SH3RF3: variants seen among roughly 807,000 people sequenced by gnomAD.
SH3RF3 encodes E3 ubiquitin-protein ligase SH3RF3.
SH3RF3 carries 29 observed loss-of-function variants against 66.3 expected under a neutral mutation model. The ratio of observed to expected loss-of-function variants is 0.44; its 90% CI spans 0.33 to 0.60. The LOEUF is 0.60. Ranked by LOEUF, SH3RF3 falls within the 20% of genes least tolerant of loss-of-function variation. The pLI is 0.04. For synonymous variants in SH3RF3, 583 were observed against 532.0 expected, an observed-to-expected ratio of 1.10 and a Z score of -1.32; for missense variants, 1,194 against 1,190.9, an observed-to-expected ratio of 1.00 and a Z score of -0.04.
intron 9 of SH3RF3, among the ~76,000 whole-genome samples, chr2:109,498,998 G>T (rs1296091922): frequency 6.6e-6 from 1 of 152,188 alleles, no homozygotes. Flanking sequence ...GGAATGCTGG[G>T]GCGTTTAGAC....
At chr2:109,422,906 A>G (rs1023290849) in intron 5 of SH3RF3, among the ~76,000 whole-genome samples, 9 of 152,146 alleles carry the variant, frequency 5.9e-5, no homozygotes, top group African/African-American at 2.2e-4. Flanking sequence ...CATCACCTAC[A>G]GCAATGGAGG....
At chr2:109,184,528 G>A (rs538654174) in intron 1 of SH3RF3, among the ~76,000 whole-genome samples, 42 of 152,282 alleles carry the variant, frequency 2.8e-4, no homozygotes, top group Admixed American at 2.5e-3. Flanking sequence ...ATAGAGCTGG[G>A]CTGGGAGGCT....
intron 4 of SH3RF3, among the ~76,000 whole-genome samples, chr2:109,408,850 G>T (rs777578518): frequency 6.6e-6 from 1 of 152,246 alleles, no homozygotes; most frequent in African/African-American, 2.4e-5. Flanking sequence ...CCTGATGGGT[G>T]CGCACAGGGA....
At chr2:109,206,634 C>A (rs1161983727) in intron 1 of SH3RF3, among the ~76,000 whole-genome samples, 1 of 151,766 alleles carries the variant, frequency 6.6e-6, no homozygotes, top group Non-Finnish European at 1.5e-5. Flanking sequence ...ATAAGTAAGA[C>A]CCTGTCTCTA....
chr2:109,491,429 C>G (rs532011632), intron 9 of SH3RF3, among the ~76,000 whole-genome samples: 5 of 152,326 alleles, frequency 3.3e-5, no homozygotes, highest in African/African-American at 7.2e-5. Flanking sequence ...ATCATGGCTT[C>G]AAGGGTATAT....
chr2:109,148,628 G>A (rs1311411339), intron 1 of SH3RF3, among the ~76,000 whole-genome samples: 1 of 151,924 alleles, frequency 6.6e-6, no homozygotes, highest in African/African-American at 2.4e-5. Context: ...GATGGCATTA[G>A]TCAGGCAGAA....
intron 2 of SH3RF3, among the ~76,000 whole-genome samples, chr2:109,357,982 G>A (rs897681797): frequency 6.6e-6 from 1 of 152,134 alleles, no homozygotes; most frequent in African/African-American, 2.4e-5. Context: ...GAGATGTCAT[G>A]TATCTACCAT....
intron 1 of SH3RF3, among the ~76,000 whole-genome samples, chr2:109,327,557 C>T (rs957197533): frequency 1.3e-5 from 2 of 152,198 alleles, no homozygotes; most frequent in African/African-American, 4.8e-5. Context: ...TTGAACTATA[C>T]ATCAAGTTGG....
intron 1 of SH3RF3, among the ~76,000 whole-genome samples, chr2:109,264,803 G>A (rs147839643): frequency 2.6e-5 from 4 of 152,360 alleles, no homozygotes; most frequent in African/African-American, 4.8e-5. Context: ...ATCACCTACC[G>A]TGCATGCCGC....
chr2:109,325,315 C>A (rs1574574627), intron 1 of SH3RF3, among the ~76,000 whole-genome samples: 2 of 109,314 alleles, frequency 1.8e-5, no homozygotes, highest in South Asian at 3.3e-4. Flanking sequence ...CATTTAATTT[C>A]TTTCTTTCTT....
chr2:109,293,390 T>C (rs1424111261), intron 1 of SH3RF3, among the ~76,000 whole-genome samples: 1 of 152,206 alleles, frequency 6.6e-6, no homozygotes, highest in Non-Finnish European at 1.5e-5. Flanking sequence ...TGCAGCCCTG[T>C]TCTCTTGTCT....
intron 1 of SH3RF3, among the ~76,000 whole-genome samples, chr2:109,322,353 A>G (rs760489986): frequency 6.6e-6 from 1 of 152,202 alleles, no homozygotes; most frequent in East Asian, 1.9e-4. Context: ...ACATTTCAAC[A>G]TGTGCCGAAA....
chr2:109,271,576 A>C (rs913838826), intron 1 of SH3RF3, among the ~76,000 whole-genome samples: 2 of 152,234 alleles, frequency 1.3e-5, no homozygotes, highest in Non-Finnish European at 2.9e-5. Context: ...TAACTATGGC[A>C]TCCCAGCCAG....
intron 1 of SH3RF3, among the ~76,000 whole-genome samples, chr2:109,146,278 A>G (rs1371189111): frequency 6.6e-6 from 1 of 152,200 alleles, no homozygotes; most frequent in East Asian, 1.9e-4. Flanking sequence ...AAAGGGCATC[A>G]GTAAAGGTCC....
At position 109,332,399 on chromosome 2, in the gene SH3RF3, C is replaced by T. The variant is rs567088491; in HGVS notation, c.574-15275C>T. Reference sequence around the variant, plus strand: ...CTGTAGCTCAGCTCTGACACTCCCGCGACTCCCCCAGCACCCCGAGCAGGG... The same window carrying T: ...CTGTAGCTCAGCTCTGACACTCCCGTGACTCCCCCAGCACCCCGAGCAGGG... On this transcript the variant is annotated intron_variant, in intron 1 of 9. Coordinates refer to ENST00000309415, the MANE Select transcript of SH3RF3 (RefSeq NM_001099289.3). Among the ~76,000 whole-genome samples the T allele has an allele frequency of 1.2e-4, 18 of 152,256 alleles. No individual in the cohort carries two copies. In the East Asian group the frequency reaches 1.9e-3, roughly 16 times the overall value.
At chr2:109,139,075 A>G (rs145395381) in intron 1 of SH3RF3, among the ~76,000 whole-genome samples, 16 of 152,314 alleles carry the variant, frequency 1.1e-4, no homozygotes, top group African/African-American at 3.8e-4. Context: ...TATTTTATTT[A>G]TCAAAATGTA....
intron 2 of SH3RF3, among the ~76,000 whole-genome samples, chr2:109,348,386 T>C (rs1682764008): frequency 6.6e-6 from 1 of 152,192 alleles, no homozygotes; most frequent in Non-Finnish European, 1.5e-5. Context: ...AGATGATAGC[T>C]GGGGTCTCAC....
At chr2:109,344,899 C>A (rs907636008) in intron 1 of SH3RF3, among the ~76,000 whole-genome samples, 2 of 152,132 alleles carry the variant, frequency 1.3e-5, no homozygotes, top group African/African-American at 2.4e-5. Flanking sequence ...CACATCAAGT[C>A]CCATGATCAG....
chr2:109,425,732 A>T (rs1471713830), intron 5 of SH3RF3, among the ~76,000 whole-genome samples: 1 of 151,826 alleles, frequency 6.6e-6, no homozygotes, highest in Non-Finnish European at 1.5e-5. Context: ...ATTACTGCTC[A>T]TTGCCAGTGT....
Sources: allele counts gnomAD v4.1 joint callset (sites outside exome capture counted in the v4.1 genomes callset), GRCh38; gene constraint gnomAD v4.1.1; transcripts MANE v1.5; gene names NCBI Gene and HGNC (gene_info 2026-07-23, HGNC 2026-07-21).